The following ADGRG2 variants were observed in gnomAD, a reference collection of about 807,000 sequenced individuals.
The protein encoded by ADGRG2 is G protein-coupled receptor 64.
A neutral mutation model predicts 74.1 loss-of-function variants in ADGRG2; 26 were observed. The ratio of observed to expected loss-of-function variants is 0.35; its 90% CI spans 0.26 to 0.49. The LOEUF is 0.49. Ranked by LOEUF, ADGRG2 falls within the 20% of genes least tolerant of loss-of-function variation. The pLI is 0.99. For missense variants in ADGRG2, 619 were observed against 763.1 expected, an observed-to-expected ratio of 0.81 and a Z score of 2.22; for synonymous variants, 296 against 295.2, an observed-to-expected ratio of 1.00 and a Z score of -0.03.
At chrX:19,122,136 G>C (rs1349540281) in intron 1 of ADGRG2, among the ~76,000 whole-genome samples, 2 of 112,739 alleles carry the variant, frequency 1.8e-5, no homozygotes, top group African/African-American at 6.4e-5. Flanking sequence ...GGGAAAGTAC[G>C]GCTCCGTCCG....
At position 19,074,286 on chromosome X, in the gene ADGRG2, C is replaced by A. The variant is rs186254978; in HGVS notation, c.-1-5451G>T. On this transcript the variant is annotated intron_variant, in intron 2 of 28. Transcript: ENST00000379869. The stretch of plus-strand genomic sequence containing the variant: ...ACAGGGTCTCATTCTGTCACCCAGG[C>A]TGGAGTGCAGTGGCATGACCACGGT... Among the ~76,000 whole-genome samples the A allele has an allele frequency of 6.3e-4, 47 of 75,055 alleles. 1 individual carries two copies. In the East Asian group the frequency reaches 0.023, roughly 37 times the overall value. 65.2% of individuals were successfully genotyped at this position (75,055 alleles called of 115,157 possible). A position where few individuals can be genotyped will look rare whatever the true frequency, so the allele number is the denominator to read the frequency against.
chrX:19,022,896 C>T (rs2060622007), intron 13 of ADGRG2, among the ~76,000 whole-genome samples: 1 of 111,781 alleles, frequency 8.9e-6, no homozygotes, highest in Non-Finnish European at 1.9e-5. Flanking sequence ...GGGGTTTTGC[C>T]ATGTTGGCCA....
intron 16 of ADGRG2, among the ~76,000 whole-genome samples, chrX:19,012,384 A>G (rs2060373931): frequency 9.0e-6 from 1 of 111,446 alleles, no homozygotes; most frequent in Non-Finnish European, 1.9e-5. Context: ...GAAGGTGGGC[A>G]TCTTAGGCCC....
chrX:19,051,722 A>G lies in ADGRG2; in HGVS notation c.119-11498T>C, dbSNP rs962556003. On this transcript the variant is annotated intron_variant, in intron 3 of 28. Coordinates refer to ENST00000379869, the MANE Select transcript of ADGRG2 (RefSeq NM_001079858.3). ...TCCTTAGAACTCAGGCCATGTAGAG[A>G]GGCCACATGGGAACTGAGGTTCCTA... Among the ~76,000 whole-genome samples, 3 of 111,221 alleles carry G rather than the reference A, an allele frequency of 2.7e-5. No homozygotes were observed. In the East Asian group the frequency reaches 8.5e-4, roughly 32 times the overall value.
chrX:19,002,740 A>G (rs1760127482), intron 24 of ADGRG2, 106 bp downstream of exon 24: 1 of 785,774 alleles, frequency 1.3e-6, no homozygotes, highest in African/African-American at 2.1e-5. Context: ...TGTTTTAGAA[A>G]CTTGCTGAAT....
At chrX:18,995,577 A>AT (rs1467321497) in intron 27 of ADGRG2, among the ~76,000 whole-genome samples, 1 of 112,165 alleles carries the variant, frequency 8.9e-6, no homozygotes, top group African/African-American at 3.2e-5. Flanking sequence ...CCAACCGGGT[A>AT]TATGTGAAAA....
At chrX:19,008,156 C>A in intron 18 of ADGRG2, 33 bp from the exon 19 acceptor site, 1 of 1,094,175 alleles carries the variant, frequency 9.1e-7, no homozygotes, top group African/African-American at 1.8e-5. Flanking sequence ...GAATAAATGT[C>A]TGGAGCTAGT....
chrX:19,042,644 C>T (rs2061092135), intron 3 of ADGRG2, among the ~76,000 whole-genome samples: 3 of 111,246 alleles, frequency 2.7e-5, no homozygotes, highest in Admixed American at 9.6e-5. Context: ...ACTGGTCCTC[C>T]ATCCCTGAGT....
chrX:19,113,168 A>G (rs2062446727), intron 1 of ADGRG2, among the ~76,000 whole-genome samples: 1 of 108,798 alleles, frequency 9.2e-6, no homozygotes, highest in Admixed American at 1.0e-4. Flanking sequence ...ACCTGAGGTC[A>G]GGAGTTTGAG....
At chrX:19,054,403 T>A (rs1436766432) in intron 3 of ADGRG2, among the ~76,000 whole-genome samples, 1 of 111,941 alleles carries the variant, frequency 8.9e-6, no homozygotes, top group Non-Finnish European at 1.9e-5. Context: ...TCCCTAGGGG[T>A]CACAGGCTGG....
chrX:19,055,678 G>A (rs934646802), intron 3 of ADGRG2, among the ~76,000 whole-genome samples: 2 of 110,283 alleles, frequency 1.8e-5, no homozygotes, highest in African/African-American at 6.6e-5. Context: ...TGGAGAGCAC[G>A]ATGCGGCAGG....
chrX:19,014,089 C>T lies in ADGRG2; in HGVS notation c.711-15G>A. The T allele has an allele frequency of 8.6e-7, 1 of 1,165,296 alleles. No homozygotes were observed. On this transcript the variant is annotated splice_polypyrimidine_tract_variant and intron_variant, in intron 15 of 28. Transcript: ENST00000379869. ...CCTGCAGGTCACTAAAGGAACAAAT[C>T]AGAGAGATACATGTGAGACACGAAT...
In ADGRG2 at chrX:19,118,034, T is replaced by C. The variant is rs983168520; in HGVS notation, c.-47+4408A>G. Among the ~76,000 whole-genome samples the C allele has an allele frequency of 6.3e-5, 7 of 111,186 alleles. No individual in the cohort carries two copies. In the Admixed American group the frequency reaches 6.7e-4, roughly 11 times the overall value. ...AGCTAACAATGGAAAAGAAACATCC[T>C]GAGGATAATTAAGGTAGCCACCAGA... On this transcript the variant is annotated intron_variant, in intron 1 of 28. Coordinates refer to ENST00000379869, the MANE Select transcript of ADGRG2 (RefSeq NM_001079858.3).
intron 25 of ADGRG2, 71 bp from the exon 26 acceptor site, chrX:18,999,350 A>T: frequency 5.6e-6 from 5 of 889,687 alleles, no homozygotes; most frequent in Non-Finnish European, 7.9e-6. Context: ...AAAATGATAC[A>T]ATGAATCTCT....
chrX:19,084,422 C>T (rs991806142), intron 1 of ADGRG2, among the ~76,000 whole-genome samples: 2 of 110,876 alleles, frequency 1.8e-5, no homozygotes, highest in Non-Finnish European at 3.8e-5. Context: ...CACACATTTA[C>T]CTGTGTAACA....
intron 3 of ADGRG2, among the ~76,000 whole-genome samples, chrX:19,040,608 C>T (rs1450289379): frequency 8.9e-6 from 1 of 111,942 alleles, no homozygotes; most frequent in South Asian, 3.7e-4. Flanking sequence ...TACTTTTTAA[C>T]GTGTATGTTT....
At chrX:19,096,320 G>C (rs1295584813) in intron 1 of ADGRG2, among the ~76,000 whole-genome samples, 1 of 107,897 alleles carries the variant, frequency 9.3e-6, no homozygotes, top group Non-Finnish European at 1.9e-5. Flanking sequence ...CTGAGGCAGG[G>C]AGAATTGCTT....
intron 24 of ADGRG2, among the ~76,000 whole-genome samples, chrX:19,000,926 G>C (rs1472961307): frequency 9.1e-6 from 1 of 110,100 alleles, no homozygotes; most frequent in Non-Finnish European, 1.9e-5. Flanking sequence ...GTAGAGACGG[G>C]GTTTCACCAT....
At chrX:19,025,200 A>G (rs901685293) in intron 11 of ADGRG2, among the ~76,000 whole-genome samples, 13 of 111,633 alleles carry the variant, frequency 1.2e-4, no homozygotes, top group African/African-American at 4.2e-4. Context: ...AGCCACCTTC[A>G]GTGCAGGGGT....
Sources: gnomAD v4.1 joint callset for allele counts (sites outside exome capture counted in the v4.1 genomes callset) on GRCh38, gnomAD v4.1.1 for gene constraint, MANE v1.5 for transcripts, NCBI Gene and HGNC (gene_info 2026-07-23, HGNC 2026-07-21) for gene names.